The following CNOT1 variants were observed in gnomAD, a reference collection of about 807,000 sequenced individuals.
CNOT1 encodes CCR4-NOT transcription complex subunit 1, also known as CCR4-associated factor 1.
In CNOT1, 15 loss-of-function variants were observed where a neutral mutation model predicts 273.8. That is an observed-to-expected ratio of 0.05 (90% CI 0.04 to 0.08). CNOT1 has a LOEUF of 0.08. CNOT1 is among the 10% of genes least tolerant of loss of function. CNOT1 has a pLI of 1.00. For synonymous variants in CNOT1, 1,022 were observed against 1,005.5 expected, an observed-to-expected ratio of 1.02 and a Z score of -0.31; for missense variants, 1,644 against 2,912.2, an observed-to-expected ratio of 0.56 and a Z score of 10.02.
chr16:58,543,118 A>G (rs2040144425), intron 31 of CNOT1: 1 of 1,298,428 alleles, frequency 7.7e-7, no homozygotes, highest in Middle Eastern at 3.1e-4. Flanking sequence ...AAAGGCAAAA[A>G]ACAACCAAAA....
chr16:58,587,899 T>G, intron 3 of CNOT1, 21 bp from the exon 4 acceptor site: 1 of 1,602,342 alleles, frequency 6.2e-7, no homozygotes, highest in Non-Finnish European at 8.5e-7. Flanking sequence ...AAAAAATGAT[T>G]TTCATTAGCA....
At chr16:58,621,814 G>A (rs1436272278) in intron 1 of CNOT1, among the ~76,000 whole-genome samples, 2 of 149,512 alleles carry the variant, frequency 1.3e-5, no homozygotes, top group African/African-American at 2.5e-5. Flanking sequence ...AGGAGGCTGA[G>A]GCAGGAGAAT....
rs745718292 is a variant in CNOT1, at chr16:58,532,008, A to T, written c.6127T>A (p.Ser2043Thr). ...GFVYAWLELI[S>T]HRIFIARMLA... is the part of the protein sequence containing the mutation. Reference sequence around the variant, plus strand: ...ATTCTTGCAATAAATATCCGATGGGAAATCAGTTCAAGCCAGGCATATACA... The same window carrying T: ...ATTCTTGCAATAAATATCCGATGGGTAATCAGTTCAAGCCAGGCATATACA... Residue 2043 changes from serine (S) to threonine (T), a missense_variant, in exon 42 of 49, where the codon TCC becomes ACC. Ser to Thr is a moderately conservative substitution (Grantham distance 58). Transcript: ENST00000317147. 1 of 1,614,188 alleles carries T rather than the reference A, an allele frequency of 6.2e-7. No individual in the cohort carries two copies. Among genetic ancestry groups the T allele is most frequent in the South Asian group, 1.1e-5 (1 of 91,080 alleles).
chr16:58,575,281 AG>A, intron 14 of CNOT1, 152 bp from the exon 15 acceptor site: 1 of 1,148,218 alleles, frequency 8.7e-7, no homozygotes, highest in Non-Finnish European at 1.2e-6. Flanking sequence ...AGCACAATTC[AG>A]GGGTAACATT....
At chr16:58,536,910 C>T in intron 39 of CNOT1, 79 bp downstream of exon 39, 1 of 1,556,122 alleles carries the variant, frequency 6.4e-7, no homozygotes, top group Non-Finnish European at 8.7e-7. Context: ...CACATGTACG[C>T]AATACTGAGC....
intron 1 of CNOT1, among the ~76,000 whole-genome samples, chr16:58,620,295 T>C (rs139613379): frequency 6.5e-4 from 99 of 152,244 alleles, no homozygotes; most frequent in African/African-American, 2.3e-3. Flanking sequence ...ACAGTACACC[T>C]GAGTTTGGAC....
At chr16:58,593,302 G>A (rs2042128645) in intron 2 of CNOT1, among the ~76,000 whole-genome samples, 2 of 152,114 alleles carry the variant, frequency 1.3e-5, no homozygotes, top group African/African-American at 2.4e-5. Context: ...GCTCACACCT[G>A]TAATCCCAGC....
chr16:58,560,497 AT>A (rs1250006550), intron 16 of CNOT1, 135 bp from the exon 17 acceptor site: 66 of 1,411,738 alleles, frequency 4.7e-5, no homozygotes, highest in Non-Finnish European at 6.0e-5. Context: ...CAGTAGCACG[AT>A]ATCAATTCAC....
chr16:58,587,652 T>A, intron 4 of CNOT1, 128 bp downstream of exon 4: 1 of 1,183,472 alleles, frequency 8.4e-7, no homozygotes, highest in Non-Finnish European at 1.2e-6. Context: ...TTACAAACTA[T>A]AAAAGACACC....
intron 2 of CNOT1, among the ~76,000 whole-genome samples, chr16:58,598,626 C>G (rs1377361618): frequency 6.6e-6 from 1 of 150,518 alleles, no homozygotes; most frequent in East Asian, 2.0e-4. Flanking sequence ...CTGGGCGACT[C>G]TGTCTCAAAT....
Position 58,556,828 on chromosome 16 carries a change from A to T in CNOT1, c.2479+19T>A, listed in dbSNP as rs1264845419. The T allele has an allele frequency of 6.2e-7, 1 of 1,610,624 alleles. No individual in the cohort carries two copies. The highest frequency in any genetic ancestry group is 8.5e-7 in the Non-Finnish European group (1 of 1,178,502). On this transcript the variant is annotated intron_variant, in intron 19 of 48. Transcript: ENST00000317147. ...TTTATCAGTCACACTTCACAATCAC[A>T]GACAACACTACCACTTACAAGGTTT...
At chr16:58,541,770 A>G in intron 33 of CNOT1, 150 bp from the exon 34 acceptor site, 1 of 692,328 alleles carries the variant, frequency 1.4e-6, no homozygotes, top group Non-Finnish European at 2.4e-6. Context: ...GCACACACAA[A>G]TGCAGTTCAG....
chr16:58,568,968 C>T (rs2041165473), intron 16 of CNOT1, among the ~76,000 whole-genome samples: 1 of 152,096 alleles, frequency 6.6e-6, no homozygotes, highest in African/African-American at 2.4e-5. Flanking sequence ...TTAAAGTTGT[C>T]TGTTTTCAAC....
intron 17 of CNOT1, among the ~76,000 whole-genome samples, chr16:58,559,164 T>A (rs138071193): frequency 1.5e-3 from 224 of 152,260 alleles, no homozygotes; most frequent in African/African-American, 4.9e-3. Flanking sequence ...TCAGATCAGG[T>A]ATGGAATTTT....
chr16:58,595,216 A>G (rs550236536), intron 2 of CNOT1, among the ~76,000 whole-genome samples: 83 of 152,180 alleles, frequency 5.5e-4, no homozygotes, highest in African/African-American at 1.9e-3. Context: ...AACCAGACCA[A>G]AACAAGTCAG....
chr16:58,612,649 G>C (rs1254803938), intron 1 of CNOT1, among the ~76,000 whole-genome samples: 1 of 152,134 alleles, frequency 6.6e-6, no homozygotes, highest in Non-Finnish European at 1.5e-5. Flanking sequence ...TGAGGCAGGA[G>C]AATAGCTTGA....
At chr16:58,594,425 G>C (rs1248670848) in intron 2 of CNOT1, among the ~76,000 whole-genome samples, 1 of 152,156 alleles carries the variant, frequency 6.6e-6, no homozygotes, top group African/African-American at 2.4e-5. Flanking sequence ...TCTTCTGGAG[G>C]TAATGAAAAT....
At chr16:58,560,633 C>T (rs1472560218) in intron 16 of CNOT1, among the ~76,000 whole-genome samples, 1 of 152,120 alleles carries the variant, frequency 6.6e-6, no homozygotes, top group Non-Finnish European at 1.5e-5. Context: ...AGTCTCACTG[C>T]TTTGAAAGGC....
intron 1 of CNOT1, among the ~76,000 whole-genome samples, chr16:58,603,440 TGTGTGTGTG>T (rs1266720690): frequency 3.0e-4 from 27 of 90,610 alleles, no homozygotes; most frequent in East Asian, 2.8e-3. Flanking sequence ...TGTGTGTGTG[TGTGTGTGTG>T]TGTGTGTGTG....
Sources: allele counts gnomAD v4.1 joint callset (sites outside exome capture counted in the v4.1 genomes callset), GRCh38; gene constraint gnomAD v4.1.1; transcripts MANE v1.5; gene names NCBI Gene and HGNC (gene_info 2026-07-23, HGNC 2026-07-21).